CSMD1: variants seen among roughly 807,000 people sequenced by gnomAD.
The protein encoded by CSMD1 is CUB and Sushi multiple domains 1.
CSMD1 carries 213 observed loss-of-function variants against 417.5 expected under a neutral mutation model. The observed-to-expected ratio is 0.51, with a 90% CI of 0.46 to 0.57. CSMD1 has a LOEUF of 0.57. Ranked by LOEUF, CSMD1 falls within the 20% of genes least tolerant of loss-of-function variation. The pLI is 0.00. For missense variants in CSMD1, 6,923 were observed against 4,529.7 expected (o/e 1.53, Z -15.17); for synonymous variants, 2,862 against 1,736.8 (o/e 1.65, Z -16.11).
intron 69 of CSMD1, among the ~76,000 whole-genome samples, chr8:2,940,622 C>G (rs917683072): frequency 1.3e-5 from 2 of 152,190 alleles, no homozygotes; most frequent in Admixed American, 6.5e-5. Context: ...ACGACTAAAA[C>G]TGGTGTGTAT....
chr8:3,021,006 A>G (rs930472210), intron 51 of CSMD1, among the ~76,000 whole-genome samples: 1 of 152,230 alleles, frequency 6.6e-6, no homozygotes, highest in Non-Finnish European at 1.5e-5. Flanking sequence ...TCCTTCAACT[A>G]TGATATTTAA....
intron 4 of CSMD1, among the ~76,000 whole-genome samples, chr8:4,024,069 A>C (rs1796935801): frequency 6.6e-6 from 1 of 152,168 alleles, no homozygotes; most frequent in Admixed American, 6.5e-5. Context: ...GAGAAAATAT[A>C]CTAGAAAGAG....
rs575158076 is a variant in CSMD1 at position 4,152,411 on chromosome 8, G to A, written c.416-120312C>T. Among the ~76,000 whole-genome samples, 320 of 152,144 alleles carry A rather than the reference G, an allele frequency of 2.1e-3. 1 individual carries two copies. Among genetic ancestry groups the A allele is most frequent in the African/African-American group, 7.0e-3 (291 of 41,504 alleles). On this transcript the variant is annotated intron_variant, in intron 3 of 69. Transcript: ENST00000635120. Reference sequence around the variant, plus strand: ...TCCCTTACTTAGGCCAGGCACAGTGGCTCACACCTGTAATCCCAGCAATTT... The same window carrying A: ...TCCCTTACTTAGGCCAGGCACAGTGACTCACACCTGTAATCCCAGCAATTT...
intron 1 of CSMD1, among the ~76,000 whole-genome samples, chr8:4,732,477 G>C (rs1012843249): frequency 6.6e-6 from 1 of 151,722 alleles, no homozygotes; most frequent in Non-Finnish European, 1.5e-5. Flanking sequence ...ACTTACAAGG[G>C]CTTCATTTTC....
chr8:4,029,433 T>A (rs1403229865), intron 4 of CSMD1, among the ~76,000 whole-genome samples: 2 of 152,148 alleles, frequency 1.3e-5, no homozygotes, highest in African/African-American at 4.8e-5. Flanking sequence ...ACGTCTTATA[T>A]GGATAGCAGC....
intron 23 of CSMD1, among the ~76,000 whole-genome samples, chr8:3,316,916 G>C (rs112208414): frequency 1.3e-5 from 2 of 152,244 alleles, no homozygotes; most frequent in African/African-American, 4.8e-5. Flanking sequence ...AGGACAAGCA[G>C]GAAAATCTGC....
intron 48 of CSMD1, 118 bp from the exon 49 acceptor site, chr8:3,087,403 G>T: frequency 9.8e-7 from 1 of 1,024,992 alleles, no homozygotes; most frequent in Non-Finnish European, 1.5e-6. Flanking sequence ...TAGGAAATGA[G>T]CACCAGTATG....
chr8:4,641,350 G>C (rs1395363983), intron 1 of CSMD1, among the ~76,000 whole-genome samples: 1 of 152,038 alleles, frequency 6.6e-6, no homozygotes, highest in African/African-American at 2.4e-5. Flanking sequence ...AGATATAGAA[G>C]AATCAGAGAG....
intron 1 of CSMD1, among the ~76,000 whole-genome samples, chr8:4,922,564 A>G (rs1318739803): frequency 2.0e-5 from 3 of 152,148 alleles, no homozygotes; most frequent in Non-Finnish European, 2.9e-5. Context: ...TGCACATATT[A>G]CATTTGTTTT....
chr8:4,763,015 G>C (rs897248815), intron 1 of CSMD1, among the ~76,000 whole-genome samples: 1 of 152,158 alleles, frequency 6.6e-6, no homozygotes, highest in Non-Finnish European at 1.5e-5. Context: ...AAGACAGACT[G>C]TGAGTTTACC....
intron 11 of CSMD1, among the ~76,000 whole-genome samples, chr8:3,476,535 C>G (rs1817435144): frequency 6.6e-6 from 1 of 152,050 alleles, no homozygotes; most frequent in Non-Finnish European, 1.5e-5. Context: ...ATGGCGGTAC[C>G]ACTTGGCTTT....
chr8:4,069,203 G>T (rs570243997), intron 3 of CSMD1, among the ~76,000 whole-genome samples: 1 of 152,050 alleles, frequency 6.6e-6, no homozygotes, highest in Non-Finnish European at 1.5e-5. Context: ...CTCTGATTGA[G>T]GCGTGAATGT....
chr8:4,636,377 C>T (rs1412117567), intron 2 of CSMD1, among the ~76,000 whole-genome samples: 1 of 152,052 alleles, frequency 6.6e-6, no homozygotes, highest in Non-Finnish European at 1.5e-5. Context: ...AACTATAGAT[C>T]AAAAGAGAAA....
At chr8:4,596,078 G>C (rs1020997946) in intron 2 of CSMD1, among the ~76,000 whole-genome samples, 3 of 151,978 alleles carry the variant, frequency 2.0e-5, no homozygotes, top group African/African-American at 7.3e-5. Flanking sequence ...TTCTCTCAAG[G>C]GCCAACTTCC....
intron 3 of CSMD1, 119 bp downstream of exon 3, chr8:4,419,834 G>T: frequency 1.5e-6 from 1 of 668,992 alleles, no homozygotes; most frequent in Non-Finnish European, 2.6e-6. Context: ...GAAGCCAAAT[G>T]TCTACACCAC....
chr8:4,253,501 G>C (rs909757407), intron 3 of CSMD1, among the ~76,000 whole-genome samples: 1 of 152,168 alleles, frequency 6.6e-6, no homozygotes, highest in South Asian at 2.1e-4. Flanking sequence ...CAGACACTAG[G>C]TTAAGCCCCT....
In CSMD1 at chr8:4,397,145, C is replaced by A. The variant is rs545858022; in HGVS notation, c.415+22808G>T. 6.6e-5 allele frequency among the ~76,000 whole-genome samples: 10 copies of A among 152,210 alleles called. 1 individual carries two copies. In the South Asian group the frequency reaches 2.1e-3, roughly 32 times the overall value. On this transcript the variant is annotated intron_variant, in intron 3 of 69. Coordinates refer to ENST00000635120, the MANE Select transcript of CSMD1 (RefSeq NM_033225.6). ...GCACGCCATCACATGGTCGAGCAAT[C>A]ACTCTCATTTCTACGTCCATGCATG...
chr8:3,681,440 T>A (rs556274458), intron 7 of CSMD1, among the ~76,000 whole-genome samples: 3 of 152,068 alleles, frequency 2.0e-5, no homozygotes, highest in Non-Finnish European at 2.9e-5. Context: ...CCATTGACAA[T>A]TGTTTCAAAG....
At chr8:3,428,878 C>T (rs1204972135) in intron 12 of CSMD1, among the ~76,000 whole-genome samples, 1 of 152,174 alleles carries the variant, frequency 6.6e-6, no homozygotes, top group Non-Finnish European at 1.5e-5. Flanking sequence ...GAAATCCTGT[C>T]ATTTGCAGCA....
Sources: gnomAD v4.1 joint callset for allele counts (sites outside exome capture counted in the v4.1 genomes callset) on GRCh38, gnomAD v4.1.1 for gene constraint, MANE v1.5 for transcripts, NCBI Gene and HGNC (gene_info 2026-07-23, HGNC 2026-07-21) for gene names.